RBM41: variants seen among roughly 807,000 people sequenced by gnomAD.
The protein encoded by RBM41 is RNA-binding protein 41.
Under a neutral mutation model 30.8 loss-of-function variants are expected in RBM41, and 14 were observed. The ratio of observed to expected loss-of-function variants is 0.45; its 90% CI spans 0.30 to 0.71. The LOEUF (loss-of-function observed/expected upper bound fraction) is 0.71, where lower values mean the gene tolerates loss of function less well. Among genes scored for constraint, RBM41 ranks in the 30% least tolerant of loss-of-function variants. The pLI is 0.08. For synonymous variants in RBM41, 120 were observed against 110.1 expected (o/e 1.09, Z -0.56); for missense variants, 276 against 326.3 (o/e 0.85, Z 1.19).
chrX:107,098,245 G>A (rs972913896), intron 5 of RBM41, among the ~76,000 whole-genome samples: 6 of 111,673 alleles, frequency 5.4e-5, no homozygotes, highest in African/African-American at 2.0e-4. Context: ...TTAAATGCTC[G>A]ATGGAATCCC....
At chrX:107,092,245 G>A (rs1411762966) in intron 5 of RBM41, among the ~76,000 whole-genome samples, 2 of 107,561 alleles carry the variant, frequency 1.9e-5, no homozygotes, top group African/African-American at 3.4e-5. Flanking sequence ...TCTGTTCATC[G>A]AGATGTCATA....
chrX:107,111,363 C>A (rs778469676), intron 5 of RBM41, among the ~76,000 whole-genome samples: 1 of 110,774 alleles, frequency 9.0e-6, no homozygotes. Context: ...CCCATTAGGA[C>A]GGCTATTATT....
chrX:107,093,386 AAG>A (rs1197248721), intron 5 of RBM41, among the ~76,000 whole-genome samples: 2 of 111,885 alleles, frequency 1.8e-5, no homozygotes. Flanking sequence ...AAATCATATA[AAG>A]TATGTTCTGT....
intron 6 of RBM41, among the ~76,000 whole-genome samples, chrX:107,081,838 CTT>C (rs771834852): frequency 8.9e-6 from 1 of 111,909 alleles, no homozygotes; most frequent in South Asian, 3.7e-4. Context: ...AAGCAATTGA[CTT>C]TTGTGGATAA....
rs1689461365 is a variant in RBM41, at chrX:107,115,259, CT to C, written c.523+92del. On this transcript the variant is annotated intron_variant, in intron 4 of 7. Coordinates refer to ENST00000685964, the MANE Select transcript of RBM41 (RefSeq NM_001324242.2). ...AAAGTAGTGACAATTTGTCTTTCCC[CT>C]ATTCCCTTCACTAACTCTTCATATT... is the stretch of plus-strand genomic sequence containing the variant. 9 of 948,405 alleles carry C rather than the reference CT, an allele frequency of 9.5e-6. No homozygotes were observed. In the Admixed American group the frequency reaches 1.7e-4, roughly 18 times the overall value. The allele number at this position is 948,405 out of a possible 1,213,427, so 78.2% of individuals were successfully genotyped here.
chrX:107,067,344 T>A lies in RBM41; in HGVS notation c.*183A>T. 9.6e-7 allele frequency: 1 copy of A among 1,042,793 alleles called. No individual in the cohort carries two copies. The highest frequency in any genetic ancestry group is 3.5e-5 in the Admixed American group (1 of 28,731). The allele number at this position is 1,042,793 out of a possible 1,213,427, so 85.9% of individuals were successfully genotyped here. A position where few individuals can be genotyped will look rare whatever the true frequency, so the allele number is the denominator to read the frequency against. On this transcript the variant is annotated 3_prime_UTR_variant, in exon 8 of 8. Transcript: ENST00000685964. ...TCAGCATATCATCTGTCCTATATAG[T>A]CTTCAATTATATAATAGAAAATGTT... is the stretch of plus-strand genomic sequence containing the variant.
At position 107,067,515 on chromosome X, in the gene RBM41, T is replaced by C. The variant is rs772335736; in HGVS notation, c.*12A>G. The C allele has an allele frequency of 1.6e-5, 19 of 1,191,623 alleles. No individual in the cohort carries two copies. In the South Asian group the frequency reaches 3.1e-4, roughly 19 times the overall value. On this transcript the variant is annotated 3_prime_UTR_variant, in exon 8 of 8. Coordinates refer to ENST00000685964, the MANE Select transcript of RBM41 (RefSeq NM_001324242.2). ...AAGAAAGACCATCCAGGACCCACAA[T>C]TTATATATATTCTAGCTACCACTAA...
At chrX:107,113,781 T>C (rs935239196) in intron 4 of RBM41, among the ~76,000 whole-genome samples, 5 of 111,878 alleles carry the variant, frequency 4.5e-5, no homozygotes, top group Non-Finnish European at 7.5e-5. Flanking sequence ...CCACAAAAGG[T>C]TATTCATTTG....
In RBM41 at chrX:107,062,307, G is replaced by A. The variant is rs1935668252; in HGVS notation, c.*5220C>T. Reference sequence around the variant, plus strand: ...ACGGTTTATCTATGCACCAGTTGAAGGATATCCTTCATTTTTATGTTCCTC... The same window carrying A: ...ACGGTTTATCTATGCACCAGTTGAAAGATATCCTTCATTTTTATGTTCCTC... On this transcript the variant is annotated 3_prime_UTR_variant, in exon 8 of 8. Coordinates refer to ENST00000685964, the MANE Select transcript of RBM41 (RefSeq NM_001324242.2). 9.0e-6 allele frequency among the ~76,000 whole-genome samples: 1 copy of A among 111,595 alleles called. No individual in the cohort carries two copies. Among genetic ancestry groups the A allele is most frequent in the East Asian group, 2.8e-4 (1 of 3,564 alleles).
rs951167657 is a variant in RBM41, at chrX:107,101,851, G to A, written c.595+11546C>T. On this transcript the variant is annotated intron_variant, in intron 5 of 7. Coordinates refer to ENST00000685964, the MANE Select transcript of RBM41 (RefSeq NM_001324242.2). Reference sequence around the variant, plus strand: ...AACAAATACCTAAAAATGTAGAATTGGATTTAGAATTGGGTAATGAGTAGA... The same window carrying A: ...AACAAATACCTAAAAATGTAGAATTAGATTTAGAATTGGGTAATGAGTAGA... 2.7e-5 allele frequency among the ~76,000 whole-genome samples: 3 copies of A among 111,883 alleles called. No individual in the cohort carries two copies. In the East Asian group the frequency reaches 8.5e-4, roughly 32 times the overall value.
chrX:107,100,312 G>T (rs147884461), intron 5 of RBM41, among the ~76,000 whole-genome samples: 1 of 110,662 alleles, frequency 9.0e-6, no homozygotes, highest in Non-Finnish European at 1.9e-5. Flanking sequence ...TGAATATTTT[G>T]TATTTCTAGT....
chrX:107,052,846 T>C, the RBM41 span, among the ~76,000 whole-genome samples: 1 of 112,224 alleles, frequency 8.9e-6, no homozygotes, highest in East Asian at 2.8e-4. Flanking sequence ...TTGAAGCTCC[T>C]CTGCTCTACA....
rs143535001 is a variant in RBM41 at position 107,063,344 on chromosome X, C to T, written c.*4183G>A. Among the ~76,000 whole-genome samples, 405 of 112,000 alleles carry T rather than the reference C, an allele frequency of 3.6e-3. 7 individuals carry two copies. In the East Asian group the frequency reaches 0.048, roughly 13 times the overall value. On this transcript the variant is annotated 3_prime_UTR_variant, in exon 8 of 8. Coordinates refer to ENST00000685964, the MANE Select transcript of RBM41 (RefSeq NM_001324242.2). ...TTTGTGACTGGCTTCTTGCACTGAG[C>T]ATATTCTGAGTTCTTCCATGTTGTA...
chrX:107,069,554 A>C, intron 6 of RBM41, 152 bp from the exon 7 acceptor site: 2 of 545,230 alleles, frequency 3.7e-6, no homozygotes, highest in Non-Finnish European at 5.4e-6. Context: ...TCCCAGGCTC[A>C]AGTGATTCTC....
chrX:107,109,285 C>A (rs1433501264), intron 5 of RBM41, among the ~76,000 whole-genome samples: 1 of 111,298 alleles, frequency 9.0e-6, no homozygotes, highest in Non-Finnish European at 1.9e-5. Context: ...AATAAATGAA[C>A]TAAACTCTCC....
intron 5 of RBM41, among the ~76,000 whole-genome samples, chrX:107,103,260 C>T (rs1474902453): frequency 9.0e-6 from 1 of 111,140 alleles, no homozygotes; most frequent in African/African-American, 3.3e-5. Flanking sequence ...AGGGTCTTTG[C>T]AGATGTAGTT....
chrX:107,116,856 C>A (rs6523920), intron 1 of RBM41, 90 bp from the exon 2 acceptor site: 186,150 of 888,690 alleles, frequency 0.21, 15,936 homozygotes, highest in East Asian at 0.51. Flanking sequence ...CCATTACTGA[C>A]CCCATTTATT....
At chrX:107,111,053 T>G (rs1234480578) in intron 5 of RBM41, among the ~76,000 whole-genome samples, 1 of 111,258 alleles carries the variant, frequency 9.0e-6, no homozygotes, top group Non-Finnish European at 1.9e-5. Context: ...ATCAACAAAT[T>G]GGACTTCATC....
downstream of RBM41, among the ~76,000 whole-genome samples, chrX:107,059,445 CAT>C (rs1050061808): frequency 9.0e-6 from 1 of 111,341 alleles, no homozygotes; most frequent in African/African-American, 3.3e-5. Context: ...CACCATGGCA[CAT>C]GTTTACCTAT....
Sources: gnomAD v4.1 joint callset for allele counts (sites outside exome capture counted in the v4.1 genomes callset) on GRCh38, gnomAD v4.1.1 for gene constraint, MANE v1.5 for transcripts, NCBI Gene and HGNC (gene_info 2026-07-23, HGNC 2026-07-21) for gene names.